USP10: variants seen among roughly 807,000 people sequenced by gnomAD.
USP10 encodes ubiquitin carboxyl-terminal hydrolase 10.
A neutral mutation model predicts 84.5 loss-of-function variants in USP10; 22 were observed. The ratio of observed to expected loss-of-function variants is 0.26; its 90% CI spans 0.19 to 0.37. The LOEUF is 0.37. Ranked by LOEUF, USP10 falls within the 10% of genes least tolerant of loss-of-function variation. USP10 has a pLI of 1.00. For missense variants in USP10, 1,019 were observed against 998.9 expected (o/e 1.02, Z -0.27); for synonymous variants, 454 against 387.6 (o/e 1.17, Z -2.01).
At chr16:84,746,510 TTGTAA>T (rs1260599154) in intron 4 of USP10, among the ~76,000 whole-genome samples, 2 of 152,224 alleles carry the variant, frequency 1.3e-5, no homozygotes, top group Non-Finnish European at 2.9e-5. Flanking sequence ...CTGTAGGCAG[TTGTAA>T]CACAGTGCTA....
At chr16:84,736,561 TAAG>T (rs568429319) in intron 2 of USP10, among the ~76,000 whole-genome samples, 6 of 152,384 alleles carry the variant, frequency 3.9e-5, no homozygotes, top group African/African-American at 1.4e-4. Context: ...CCTTATTTAA[TAAG>T]CATGTTTAAA....
chr16:84,763,140 G>A, intron 9 of USP10, 52 bp downstream of exon 9: 1 of 1,188,358 alleles, frequency 8.4e-7, no homozygotes, highest in East Asian at 2.4e-5. Context: ...GCTGTAAACA[G>A]GTGTTGCATA....
At chr16:84,757,402 GGTGT>G (rs58812391) in intron 4 of USP10, among the ~76,000 whole-genome samples, 1,250 of 82,812 alleles carry the variant, frequency 0.015, 12 homozygotes, top group Non-Finnish European at 0.024. Flanking sequence ...GAGGGGTGGG[GGTGT>G]GTGTGTGTGT....
intron 1 of USP10, among the ~76,000 whole-genome samples, chr16:84,729,906 G>A (rs544089653): frequency 1.3e-5 from 2 of 152,184 alleles, no homozygotes; most frequent in East Asian, 1.9e-4. Context: ...ATTTTTTTGC[G>A]TGACATGTTT....
intron 3 of USP10, 126 bp downstream of exon 3, chr16:84,740,495 A>G: frequency 1.3e-6 from 1 of 761,262 alleles, no homozygotes; most frequent in Non-Finnish European, 2.2e-6. Context: ...TTTTTGCTGT[A>G]AACTGTAATG....
intron 1 of USP10, among the ~76,000 whole-genome samples, chr16:84,720,857 C>T (rs2150778179): frequency 6.7e-6 from 1 of 149,574 alleles, no homozygotes; most frequent in Non-Finnish European, 1.5e-5. Context: ...GCTGGGATTA[C>T]AGTCCTGGGC....
At chr16:84,707,326 G>A (rs888916312) in intron 1 of USP10, among the ~76,000 whole-genome samples, 1 of 152,160 alleles carries the variant, frequency 6.6e-6, no homozygotes, top group Admixed American at 6.5e-5. Context: ...ACTATAATAT[G>A]TTACTATTCA....
intron 10 of USP10, among the ~76,000 whole-genome samples, chr16:84,765,420 C>T (rs1416663520): frequency 2.0e-5 from 3 of 151,824 alleles, no homozygotes; most frequent in Non-Finnish European, 2.9e-5. Flanking sequence ...CCGACATCTT[C>T]CATTCCCACT....
At chr16:84,701,789 T>C (rs1433737246) in intron 1 of USP10, among the ~76,000 whole-genome samples, 1 of 152,212 alleles carries the variant, frequency 6.6e-6, no homozygotes, top group Non-Finnish European at 1.5e-5. Context: ...TACACATCTT[T>C]AGAAAATTGG....
Position 84,772,825 on chromosome 16 carries a change from T to G in USP10, c.2143+140T>G, listed in dbSNP as rs1914597926. Reference sequence around the variant, plus strand: ...GTGGACTTGTTTTAAGTTTCTTGACTTGTAATAGACCTTAATACTAAAATT... The same window carrying G: ...GTGGACTTGTTTTAAGTTTCTTGACGTGTAATAGACCTTAATACTAAAATT... On this transcript the variant is annotated intron_variant, in intron 12 of 13. Coordinates refer to ENST00000219473, the MANE Select transcript of USP10 (RefSeq NM_005153.3). The G allele has an allele frequency of 6.7e-6, 8 of 1,190,794 alleles. No individual in the cohort carries two copies. In the East Asian group the frequency reaches 2.1e-4, roughly 31 times the overall value. The allele number at this position is 1,190,794 out of a possible 1,614,324, so 73.8% of individuals were successfully genotyped here.
chr16:84,748,264 A>G (rs1911487412), intron 4 of USP10, among the ~76,000 whole-genome samples: 1 of 151,930 alleles, frequency 6.6e-6, no homozygotes, highest in Admixed American at 6.6e-5. Flanking sequence ...GGGTCCTGTT[A>G]AAAATGTGCA....
chr16:84,777,561 G>A (rs951636214), intron 13 of USP10, among the ~76,000 whole-genome samples: 8 of 151,972 alleles, frequency 5.3e-5, no homozygotes, highest in East Asian at 3.9e-4. Flanking sequence ...TCCGAAGTAC[G>A]GGCCCCACAG....
chr16:84,720,406 C>T (rs906480214), intron 1 of USP10, among the ~76,000 whole-genome samples: 3 of 152,044 alleles, frequency 2.0e-5, no homozygotes, highest in South Asian at 4.2e-4. Context: ...TTGTTTTTGG[C>T]AGTAATTGTC....
chr16:84,762,685 T>C (rs966283261), intron 8 of USP10, among the ~76,000 whole-genome samples: 1 of 133,822 alleles, frequency 7.5e-6, no homozygotes, highest in Admixed American at 7.5e-5. Flanking sequence ...AATGAGACTT[T>C]GTCTCAAAAA....
At chr16:84,735,236 TGGTGTGTGTG>T (rs1909777139) in intron 2 of USP10, among the ~76,000 whole-genome samples, 1 of 121,584 alleles carries the variant, frequency 8.2e-6, no homozygotes, top group African/African-American at 3.3e-5. Context: ...TGTGTGTGTG[TGGTGTGTGTG>T]TTTTTAAGTA....
chr16:84,721,564 G>C (rs2150779355), intron 1 of USP10, among the ~76,000 whole-genome samples: 1 of 152,222 alleles, frequency 6.6e-6, no homozygotes, highest in Non-Finnish European at 1.5e-5. Flanking sequence ...GTCTTGCTCT[G>C]TCTCCCAGGC....
At chr16:84,755,528 G>A (rs564167599) in intron 4 of USP10, among the ~76,000 whole-genome samples, 11 of 152,018 alleles carry the variant, frequency 7.2e-5, no homozygotes, top group Non-Finnish European at 7.4e-5. Flanking sequence ...GGACCTGTGC[G>A]TATGTTTGTG....
intron 1 of USP10, among the ~76,000 whole-genome samples, chr16:84,729,045 G>A (rs957458694): frequency 5.9e-5 from 9 of 152,146 alleles, no homozygotes; most frequent in South Asian, 2.1e-4. Flanking sequence ...TGATCTGCTC[G>A]CCTCGGCTTC....
intron 4 of USP10, among the ~76,000 whole-genome samples, chr16:84,756,591 C>T (rs911238456): frequency 1.3e-5 from 2 of 151,560 alleles, no homozygotes; most frequent in Non-Finnish European, 2.9e-5. Flanking sequence ...AGACTTGTCT[C>T]AAAAAAACAA....
Sources: gnomAD v4.1 joint callset for allele counts (sites outside exome capture counted in the v4.1 genomes callset) on GRCh38, gnomAD v4.1.1 for gene constraint, MANE v1.5 for transcripts, NCBI Gene and HGNC (gene_info 2026-07-23, HGNC 2026-07-21) for gene names.